Variants in RBM33 observed in about 807,000 individuals in gnomAD.
RBM33 encodes RNA-binding protein 33.
Under a neutral mutation model 132.6 loss-of-function variants are expected in RBM33, and 28 were observed. The ratio of observed to expected loss-of-function variants is 0.21; its 90% CI spans 0.16 to 0.29. The LOEUF is 0.29. RBM33 is among the 10% of genes least tolerant of loss of function. The pLI, the probability that RBM33 is intolerant of heterozygous loss-of-function variation, is 1.00. For synonymous variants in RBM33, 634 were observed against 593.0 expected (o/e 1.07, Z -1.01); for missense variants, 1,291 against 1,518.5 (o/e 0.85, Z 2.49).
intron 5 of RBM33, among the ~76,000 whole-genome samples, chr7:155,690,519 G>A (rs1326953425): frequency 6.6e-6 from 1 of 152,110 alleles, no homozygotes; most frequent in East Asian, 1.9e-4. Flanking sequence ...TATGATGTTA[G>A]CTGGTTATTT....
At chr7:155,712,010 TTCTTTAAAA>T (rs1295932865) in intron 8 of RBM33, among the ~76,000 whole-genome samples, 4 of 152,262 alleles carry the variant, frequency 2.6e-5, no homozygotes, top group African/African-American at 9.6e-5. Context: ...TCAAGTATAT[TTCTTTAAAA>T]ATGTGTATCT....
At chr7:155,699,590 C>T (rs913141131) in intron 5 of RBM33, among the ~76,000 whole-genome samples, 6 of 152,288 alleles carry the variant, frequency 3.9e-5, no homozygotes, top group African/African-American at 1.4e-4. Context: ...TGCTGGACGT[C>T]AGCATACTGA....
chr7:155,673,671 C>T (rs1405275280), intron 3 of RBM33, among the ~76,000 whole-genome samples: 1 of 127,672 alleles, frequency 7.8e-6, no homozygotes, highest in African/African-American at 3.4e-5. Context: ...CATATACATA[C>T]ACACGTGTAT....
intron 2 of RBM33, among the ~76,000 whole-genome samples, chr7:155,671,617 A>C (rs2116902516): frequency 6.6e-6 from 1 of 152,312 alleles, no homozygotes; most frequent in Middle Eastern, 3.4e-3. Context: ...TTTTTGGTAA[A>C]ATAATGGTTT....
rs1799456804 is a variant in RBM33, at chr7:155,685,642, CTCTGAGGTAGG to C, written c.567+4738_567+4748del. Among the ~76,000 whole-genome samples, 16 of 152,240 alleles carry C rather than the reference CTCTGAGGTAGG, an allele frequency of 1.1e-4. No individual in the cohort carries two copies. The South Asian group carries it at 3.3e-3, about 32-fold the overall frequency. On this transcript the variant is annotated intron_variant, in intron 5 of 17. Coordinates refer to ENST00000401878, the MANE Select transcript of RBM33 (RefSeq NM_053043.3). Reference sequence around the variant, plus strand: ...TTATGGAAGGAGGTGAACCTCTGAACTCTGAGGTAGGTCTTGAAAGATAGATTGCATTTGTA... The same window carrying C: ...TTATGGAAGGAGGTGAACCTCTGAACTCTTGAAAGATAGATTGCATTTGTA...
chr7:155,753,278 C>CGG (rs1272443818), intron 14 of RBM33, among the ~76,000 whole-genome samples: 1 of 152,206 alleles, frequency 6.6e-6, no homozygotes, highest in Non-Finnish European at 1.5e-5. Flanking sequence ...TGAAAGTCCT[C>CGG]CTTTCTAGAT....
chr7:155,662,780 C>T (rs73736014), intron 1 of RBM33, among the ~76,000 whole-genome samples: 4,384 of 152,132 alleles, frequency 0.029, 209 homozygotes, highest in African/African-American at 0.099. Context: ...GTAACAGTCA[C>T]CCAGAATTCA....
intron 9 of RBM33, among the ~76,000 whole-genome samples, chr7:155,721,577 A>G (rs1041335604): frequency 2.0e-5 from 3 of 152,172 alleles, no homozygotes; most frequent in Non-Finnish European, 2.9e-5. Context: ...TAGATTTCCA[A>G]ATTTTAAAGG....
At position 155,780,713 on chromosome 7, in the gene RBM33, CG is replaced by C. The variant is rs1310387594; in HGVS notation, c.*5673del. The stretch of plus-strand genomic sequence containing the variant: ...GGGCCGTATTCCTGCCACTCTGCTC[CG>C]CCTCAGCCTTGAGAACTCCACGTGG... On this transcript the variant is annotated 3_prime_UTR_variant, in exon 18 of 18. Transcript: ENST00000401878. 1 of 152,366 alleles carries C rather than the reference CG, an allele frequency of 6.6e-6. No individual in the cohort carries two copies. The highest frequency in any genetic ancestry group is 1.9e-4 in the East Asian group (1 of 5,198). 9.4% of individuals were successfully genotyped at this position (152,366 alleles called of 1,614,324 possible). A position where few individuals can be genotyped will look rare whatever the true frequency, so the allele number is the denominator to read the frequency against.
chr7:155,666,158 A>G (rs1477875258), intron 2 of RBM33, among the ~76,000 whole-genome samples: 1 of 152,210 alleles, frequency 6.6e-6, no homozygotes, highest in African/African-American at 2.4e-5. Flanking sequence ...TCACGTGATT[A>G]TGGAGACTGA....
At chr7:155,655,235 T>G (rs1798459176) in intron 1 of RBM33, among the ~76,000 whole-genome samples, 1 of 152,196 alleles carries the variant, frequency 6.6e-6, no homozygotes, top group Admixed American at 6.5e-5. Context: ...ATTATATTAT[T>G]GGGGATATTT....
intron 7 of RBM33, among the ~76,000 whole-genome samples, chr7:155,707,778 T>G (rs1219858576): frequency 6.6e-6 from 1 of 152,162 alleles, no homozygotes; most frequent in African/African-American, 2.4e-5. Context: ...TGCCTCAATC[T>G]CTTTAGTAGC....
Position 155,715,038 on chromosome 7 carries a change from T to G in RBM33, c.1202-3347T>G, listed in dbSNP as rs181535570. The stretch of plus-strand genomic sequence containing the variant: ...TAACTCCTAACCCCTCCTGACCCCA[T>G]CGCATGTCCCTGTGTTCCCCCAAAG... On this transcript the variant is annotated intron_variant, in intron 8 of 17. Transcript: ENST00000401878. Among the ~76,000 whole-genome samples the G allele has an allele frequency of 3.5e-4, 54 of 152,254 alleles. 1 individual carries two copies. The East Asian group carries it at 0.01, about 28-fold the overall frequency.
Position 155,763,870 on chromosome 7 carries a change from C to T in RBM33, c.3038C>T (p.Pro1013Leu), listed in dbSNP as rs1196130688. The change falls in exon 15 of 18, where the codon CCT becomes CTT. Residue 1013 changes from proline to leucine, a missense_variant. Physicochemically the swap from Pro to Leu is moderately conservative, Grantham distance 98. Transcript: ENST00000401878. ...PEGQPQRLPQ[P>L]PEVGPQPARK... ...GGCCAGCCCCAGCGGCTTCCCCAGCCTCCGGAAGTGGGACCACAGCCTGCC... is the reference window on the plus strand; with the variant it reads ...GGCCAGCCCCAGCGGCTTCCCCAGCTTCCGGAAGTGGGACCACAGCCTGCC... 3.7e-6 allele frequency: 6 copies of T among 1,611,872 alleles called. No homozygotes were observed. The East Asian group carries it at 6.7e-5, about 18-fold the overall frequency.
intron 12 of RBM33, 112 bp from the exon 13 acceptor site, chr7:155,741,707 G>C: frequency 1.9e-6 from 2 of 1,027,386 alleles, no homozygotes; most frequent in South Asian, 3.3e-5. Context: ...CCCAAAAGAA[G>C]TCATTTACTA....
chr7:155,770,246 G>T (rs754034059), intron 16 of RBM33, among the ~76,000 whole-genome samples: 10 of 152,242 alleles, frequency 6.6e-5, no homozygotes, highest in African/African-American at 1.4e-4. Flanking sequence ...GTGCGGGCTG[G>T]AGTTGCCCAG....
chr7:155,744,125 G>A (rs1801438943), intron 13 of RBM33, among the ~76,000 whole-genome samples: 2 of 152,202 alleles, frequency 1.3e-5, no homozygotes. Flanking sequence ...AATTCTTAAG[G>A]TTTATTTAGG....
intron 9 of RBM33, 133 bp downstream of exon 9, chr7:155,718,576 C>A (rs768076392): frequency 5.7e-6 from 4 of 705,262 alleles, no homozygotes; most frequent in Non-Finnish European, 9.6e-6. Flanking sequence ...ATAATCTCTG[C>A]AATAGAAAAT....
intron 12 of RBM33, among the ~76,000 whole-genome samples, chr7:155,740,703 A>G (rs962669375): frequency 2.0e-5 from 3 of 152,254 alleles, no homozygotes; most frequent in South Asian, 2.1e-4. Flanking sequence ...TTAAATACAT[A>G]TAAGAAGCTT....
Sources: allele counts gnomAD v4.1 joint callset (sites outside exome capture counted in the v4.1 genomes callset), GRCh38; gene constraint gnomAD v4.1.1; transcripts MANE v1.5; gene names NCBI Gene and HGNC (gene_info 2026-07-23, HGNC 2026-07-21).